AFG2A: variants seen among roughly 807,000 people sequenced by gnomAD.
AFG2A encodes AAA ATPase AFG2A.
the AFG2A span, among the ~76,000 whole-genome samples, chr4:123,042,667 T>C: frequency 6.6e-6 from 1 of 152,220 alleles, no homozygotes; most frequent in African/African-American, 2.4e-5. Flanking sequence ...CATTTTGATA[T>C]TGTATATTAT....
chr4:123,241,100 G>A, the AFG2A span, among the ~76,000 whole-genome samples: 1 of 152,134 alleles, frequency 6.6e-6, no homozygotes, highest in Non-Finnish European at 1.5e-5. Flanking sequence ...TTGAATCTCT[G>A]AATAGACCAA....
chr4:123,095,025 C>T, the AFG2A span, among the ~76,000 whole-genome samples: 4 of 53,674 alleles, frequency 7.5e-5, no homozygotes, highest in African/African-American at 1.8e-4. Context: ...TTATATCCCT[C>T]CCCACAAAAA....
chr4:122,987,351 A>G, the AFG2A span, among the ~76,000 whole-genome samples: 1 of 152,120 alleles, frequency 6.6e-6, no homozygotes, highest in Non-Finnish European at 1.5e-5. Flanking sequence ...GGGTAGCATA[A>G]TTTTGAATCT....
chr4:123,042,585 A>G, the AFG2A span, among the ~76,000 whole-genome samples: 1 of 152,080 alleles, frequency 6.6e-6, no homozygotes, highest in Non-Finnish European at 1.5e-5. Context: ...AGATTTGTTA[A>G]TGTCCATAAT....
chr4:123,225,774 G>A, the AFG2A span, among the ~76,000 whole-genome samples: 1 of 152,266 alleles, frequency 6.6e-6, no homozygotes, highest in East Asian at 1.9e-4. Flanking sequence ...TGATGGGGAT[G>A]GCATTGAATC....
chr4:123,036,530 G>C, the AFG2A span, among the ~76,000 whole-genome samples: 5 of 152,232 alleles, frequency 3.3e-5, no homozygotes, highest in Non-Finnish European at 5.9e-5. Flanking sequence ...TGAAAATGTG[G>C]AAATTGGAAA....
chr4:123,048,594 A>C, the AFG2A span, among the ~76,000 whole-genome samples: 4 of 152,086 alleles, frequency 2.6e-5, no homozygotes, highest in Non-Finnish European at 5.9e-5. Context: ...GGTCAAAGAA[A>C]ATTTATTCCT....
chr4:122,995,713 C>T, the AFG2A span, among the ~76,000 whole-genome samples: 3 of 152,130 alleles, frequency 2.0e-5, no homozygotes, highest in Non-Finnish European at 4.4e-5. Flanking sequence ...ATTTAATTTG[C>T]AATTTCTGAT....
At chr4:123,041,100 AT>A in the AFG2A span, among the ~76,000 whole-genome samples, 1 of 150,682 alleles carries the variant, frequency 6.6e-6, no homozygotes, top group Non-Finnish European at 1.5e-5. Context: ...CTTTTTTATA[AT>A]TTTTTATTTA....
At chr4:123,170,149 A>G in the AFG2A span, among the ~76,000 whole-genome samples, 1 of 152,180 alleles carries the variant, frequency 6.6e-6, no homozygotes, top group Non-Finnish European at 1.5e-5. Flanking sequence ...AGTTCTTGGC[A>G]CTAATAACCC....
At chr4:123,237,580 T>C in the AFG2A span, among the ~76,000 whole-genome samples, 9 of 144,832 alleles carry the variant, frequency 6.2e-5, no homozygotes, top group South Asian at 1.9e-3. Flanking sequence ...GGTTGAGGCA[T>C]GAGAATCGCT....
At chr4:123,181,313 TTAAAAA>T in the AFG2A span, among the ~76,000 whole-genome samples, 1 of 151,850 alleles carries the variant, frequency 6.6e-6, no homozygotes, top group Non-Finnish European at 1.5e-5. Flanking sequence ...TTACAGCCCT[TTAAAAA>T]TGTAGAAGCT....
the AFG2A span, among the ~76,000 whole-genome samples, chr4:123,012,378 A>G: frequency 7.2e-6 from 1 of 139,074 alleles, no homozygotes; most frequent in African/African-American, 2.8e-5. Context: ...AGACACGGAG[A>G]GAAGGGGTGG....
chr4:123,115,174 T>A, the AFG2A span, among the ~76,000 whole-genome samples: 5 of 151,954 alleles, frequency 3.3e-5, no homozygotes, highest in Non-Finnish European at 7.4e-5. Flanking sequence ...TTGCCGCAAG[T>A]TCCCCCTGTG....
chr4:123,116,089 G>A, the AFG2A span, among the ~76,000 whole-genome samples: 2 of 151,892 alleles, frequency 1.3e-5, no homozygotes, highest in Admixed American at 6.6e-5. Context: ...TATAGAGACA[G>A]GGTCTTGCTT....
chr4:123,209,986 A>T, the AFG2A span, among the ~76,000 whole-genome samples: 270 of 152,230 alleles, frequency 1.8e-3, no homozygotes, highest in African/African-American at 6.1e-3. Flanking sequence ...TGCAGTCCCT[A>T]GACTTTGGTT....
chr4:122,933,365 A>C, the AFG2A span: 6 of 1,130,464 alleles, frequency 5.3e-6, no homozygotes, highest in African/African-American at 6.3e-5. Context: ...AACCATATAC[A>C]TGTAATTTTA....
At chr4:123,047,160 G>T in the AFG2A span, among the ~76,000 whole-genome samples, 49 of 152,074 alleles carry the variant, frequency 3.2e-4, no homozygotes, top group African/African-American at 1.1e-3. Flanking sequence ...TTAGTTTTTT[G>T]AGGAACCTCC....
chr4:122,949,395 G>A, the AFG2A span, among the ~76,000 whole-genome samples: 7 of 152,150 alleles, frequency 4.6e-5, no homozygotes, highest in Non-Finnish European at 8.8e-5. Flanking sequence ...CGCTGAAGGG[G>A]AATAGGTGAA....
Sources: gnomAD v4.1 joint callset for allele counts (sites outside exome capture counted in the v4.1 genomes callset) on GRCh38, gnomAD v4.1.1 for gene constraint, MANE v1.5 for transcripts, NCBI Gene and HGNC (gene_info 2026-07-23, HGNC 2026-07-21) for gene names.